CEP112: variants seen among roughly 807,000 people sequenced by gnomAD.
CEP112 encodes centrosomal protein 112.
In CEP112, 127 loss-of-function variants were observed where a neutral mutation model predicts 153.0. The ratio of observed to expected loss-of-function variants is 0.83; its 90% confidence interval spans 0.72 to 0.96. The LOEUF is 0.96. Ranked by LOEUF, CEP112 falls within the 40% of genes least tolerant of loss-of-function variation. The probability of loss-of-function intolerance (pLI) is 0.00; values close to 1 mark genes in which losing one functional copy is unlikely to be tolerated. For synonymous variants in CEP112, 358 were observed against 374.4 expected (o/e 0.96, Z 0.51); for missense variants, 1,089 against 1,101.2 (o/e 0.99, Z 0.16).
intron 4 of CEP112, among the ~76,000 whole-genome samples, chr17:66,153,656 T>C (rs1490655758): frequency 6.6e-6 from 1 of 152,020 alleles, no homozygotes; most frequent in African/African-American, 2.4e-5. Context: ...AATCCTGAAA[T>C]GTATATGGAA....
intron 21 of CEP112, among the ~76,000 whole-genome samples, chr17:65,798,473 T>C (rs562488516): frequency 6.6e-6 from 1 of 152,276 alleles, no homozygotes; most frequent in South Asian, 2.1e-4. Flanking sequence ...ATGTTGTGAG[T>C]ACCCCTGTGT....
intron 21 of CEP112, among the ~76,000 whole-genome samples, chr17:65,822,140 G>A (rs950090129): frequency 6.6e-6 from 1 of 151,758 alleles, no homozygotes; most frequent in African/African-American, 2.4e-5. Context: ...AGGGAGTAAT[G>A]TAGTATACTA....
intron 25 of CEP112, among the ~76,000 whole-genome samples, chr17:65,638,413 T>C (rs2044899249): frequency 6.6e-6 from 1 of 152,320 alleles, no homozygotes; most frequent in Admixed American, 6.5e-5. Flanking sequence ...ACTGAAACCA[T>C]GGCAACGGTT....
chr17:65,928,126 T>C (rs762798592), intron 18 of CEP112, among the ~76,000 whole-genome samples: 13 of 152,180 alleles, frequency 8.5e-5, no homozygotes, highest in Non-Finnish European at 1.9e-4. Context: ...AGAGCCTGAA[T>C]AGATATTTCT....
intron 4 of CEP112, among the ~76,000 whole-genome samples, chr17:66,163,881 T>G: frequency 6.6e-6 from 1 of 152,100 alleles, no homozygotes; most frequent in South Asian, 2.1e-4. Flanking sequence ...CAGAAACTTG[T>G]GAAATTAAAA....
intron 21 of CEP112, among the ~76,000 whole-genome samples, chr17:65,780,715 G>T (rs538709498): frequency 1.1e-4 from 17 of 152,046 alleles, no homozygotes; most frequent in African/African-American, 3.4e-4. Flanking sequence ...TACATGAGTG[G>T]CCATTCTGTG....
At chr17:66,095,478 A>G (rs544724836) in intron 8 of CEP112, among the ~76,000 whole-genome samples, 9 of 152,200 alleles carry the variant, frequency 5.9e-5, no homozygotes, top group Non-Finnish European at 1.3e-4. Context: ...GTGAACTCAC[A>G]AAAGTAGAGA....
intron 17 of CEP112, among the ~76,000 whole-genome samples, chr17:65,985,848 G>GTTTT (rs372660518): frequency 1.4e-5 from 2 of 145,986 alleles, no homozygotes; most frequent in Non-Finnish European, 1.5e-5. Context: ...AAGGGCTTTT[G>GTTTT]TTTTTTTTTT....
chr17:65,936,701 G>A (rs893182144), intron 18 of CEP112, among the ~76,000 whole-genome samples: 1 of 151,934 alleles, frequency 6.6e-6, no homozygotes, highest in African/African-American at 2.4e-5. Context: ...TATCTCAATA[G>A]ATGCAGAAAA....
chr17:66,095,284 A>G (rs1247612374), intron 8 of CEP112, among the ~76,000 whole-genome samples: 1 of 152,122 alleles, frequency 6.6e-6, no homozygotes, highest in African/African-American at 2.4e-5. Flanking sequence ...ATATATATAT[A>G]CACATACACA....
At position 65,847,690 on chromosome 17, in the gene CEP112, TA is replaced by T. The variant is rs200364593; in HGVS notation, c.2394+4113del. On this transcript the variant is annotated intron_variant, in intron 21 of 26. Coordinates refer to ENST00000535342, the MANE Select transcript of CEP112 (RefSeq NM_001199165.4). ...GGTCCTGCTAACAGAGCTTATGTTC[TA>T]GTGGGTGGGAGGAAACAAGCGAACA... Among the ~76,000 whole-genome samples, 221 of 152,284 alleles carry T rather than the reference TA, an allele frequency of 1.5e-3. 2 individuals are homozygous for T. In the East Asian group the frequency reaches 0.02, roughly 14 times the overall value.
chr17:66,093,831 A>C (rs2068234059), intron 8 of CEP112, among the ~76,000 whole-genome samples: 1 of 152,128 alleles, frequency 6.6e-6, no homozygotes, highest in Admixed American at 6.5e-5. Flanking sequence ...AAAACCCTAA[A>C]ATTTATATGA....
intron 20 of CEP112, among the ~76,000 whole-genome samples, chr17:65,868,253 C>T (rs1014011014): frequency 2.0e-5 from 3 of 152,068 alleles, no homozygotes; most frequent in African/African-American, 7.2e-5. Context: ...AATCCCAGCA[C>T]TTCCCAGAGG....
chr17:66,185,096 A>AG (rs2072872477), intron 1 of CEP112, among the ~76,000 whole-genome samples: 1 of 152,192 alleles, frequency 6.6e-6, no homozygotes, highest in Admixed American at 6.5e-5. Flanking sequence ...CTCAACACAA[A>AG]GGGATGGCAC....
At chr17:66,080,537 A>C (rs1221970945) in intron 8 of CEP112, among the ~76,000 whole-genome samples, 1 of 152,228 alleles carries the variant, frequency 6.6e-6, no homozygotes, top group Non-Finnish European at 1.5e-5. Context: ...GATGTGGAGA[A>C]ATAGGGACAC....
chr17:65,835,829 A>T (rs1177990793), intron 21 of CEP112, among the ~76,000 whole-genome samples: 1 of 152,234 alleles, frequency 6.6e-6, no homozygotes, highest in East Asian at 1.9e-4. Flanking sequence ...AGAATAGTCT[A>T]ATACTGGAAT....
At chr17:65,848,635 A>G (rs113158822) in intron 21 of CEP112, among the ~76,000 whole-genome samples, 2 of 151,848 alleles carry the variant, frequency 1.3e-5, no homozygotes, top group South Asian at 4.2e-4. Flanking sequence ...GGTGATTCCC[A>G]CAGCTGTTTG....
intron 16 of CEP112, among the ~76,000 whole-genome samples, chr17:66,022,290 T>C (rs1245235735): frequency 6.6e-6 from 1 of 152,144 alleles, no homozygotes; most frequent in East Asian, 1.9e-4. Flanking sequence ...GAAGTTACTA[T>C]TTCTCCAGAT....
intron 25 of CEP112, among the ~76,000 whole-genome samples, chr17:65,639,639 A>T (rs2044986598): frequency 6.7e-6 from 1 of 149,986 alleles, no homozygotes; most frequent in Non-Finnish European, 1.5e-5. Context: ...GAGCTGAGAT[A>T]GCACCACTGA....
Sources: gnomAD v4.1 joint callset for allele counts (sites outside exome capture counted in the v4.1 genomes callset) on GRCh38, gnomAD v4.1.1 for gene constraint, MANE v1.5 for transcripts, NCBI Gene and HGNC (gene_info 2026-07-23, HGNC 2026-07-21) for gene names.